The following HIVEP1 variants were observed in gnomAD, a reference collection of about 807,000 sequenced individuals.
HIVEP1 encodes the protein HIVEP zinc finger 1.
HIVEP1 carries 36 observed loss-of-function variants against 180.0 expected under a neutral mutation model. That is an observed-to-expected ratio of 0.20 (90% CI 0.15 to 0.26). The LOEUF (loss-of-function observed/expected upper bound fraction) is 0.26. HIVEP1 is among the 10% of genes least tolerant of loss of function. The probability of loss-of-function intolerance (pLI) is 1.00; values close to 1 mark genes in which losing one functional copy is unlikely to be tolerated. For missense variants in HIVEP1, 3,143 were observed against 3,268.7 expected (o/e 0.96, Z 0.94); for synonymous variants, 1,239 against 1,239.0 (o/e 1.00, Z 0.00).
In HIVEP1 at chr6:12,120,223, T is replaced by C; in HGVS notation, c.428T>C (p.Leu143Pro). Residue 143 changes from leucine (L) to proline (P), a missense_variant, in exon 4 of 9, where the codon CTG becomes CCG. Leu to Pro is a moderately conservative substitution (Grantham distance 98, BLOSUM62 -3). This residue lies in a region of HIVEP1 where 306 missense variants were observed against 310.6 expected (regional missense o/e 0.99). Coordinates refer to ENST00000379388, the MANE Select transcript of HIVEP1 (RefSeq NM_002114.4). ...TTGTTTCTGCAGCAACCATCTGAAC[T>C]GCGTAGATGGAGATCCGAAGGCGCT... ...KPLFLQQPSE[L>P]RRWRSEGADP... 1 of 1,614,096 alleles carries C rather than the reference T, an allele frequency of 6.2e-7. No homozygotes were observed.
intron 3 of HIVEP1, 86 bp downstream of exon 3, chr6:12,089,323 A>G: frequency 1.3e-6 from 1 of 770,520 alleles, no homozygotes. Flanking sequence ...TATGAAATAA[A>G]TCAGTATAGA....
intron 4 of HIVEP1, among the ~76,000 whole-genome samples, chr6:12,129,346 C>G (rs1044473084): frequency 6.6e-6 from 1 of 152,066 alleles, no homozygotes; most frequent in African/African-American, 2.4e-5. Context: ...ATTATTTTAC[C>G]AAAAGGAGTA....
chr6:12,208,281 T>G, the HIVEP1 span, among the ~76,000 whole-genome samples: 34 of 152,352 alleles, frequency 2.2e-4, no homozygotes, highest in African/African-American at 7.9e-4. Flanking sequence ...GACTTTGTTT[T>G]GTACAGCTGA....
Position 12,123,652 on chromosome 6 carries a change from T to C in HIVEP1, c.3857T>C (p.Leu1286Pro). Reference protein sequence around the residue: ...KLPPKKKRLRLAEIEHSSTES... With the variant: ...KLPPKKKRLRPAEIEHSSTES... Reference sequence around the variant, plus strand: ...CCACCCAAAAAGAAAAGGCTCCGTCTGGCTGAGATAGAACATTCCTCAACA... The same window carrying C: ...CCACCCAAAAAGAAAAGGCTCCGTCCGGCTGAGATAGAACATTCCTCAACA... Residue 1286 changes from leucine to proline, a missense_variant, in exon 4 of 9, where the codon CTG becomes CCG. Transcript: ENST00000379388. 1 of 1,614,106 alleles carries C rather than the reference T, an allele frequency of 6.2e-7. No individual in the cohort carries two copies. The highest frequency in any genetic ancestry group is 8.5e-7 in the Non-Finnish European group (1 of 1,180,028).
At chr6:12,173,634 C>A in the HIVEP1 span, among the ~76,000 whole-genome samples, 2 of 152,182 alleles carry the variant, frequency 1.3e-5, no homozygotes, top group Non-Finnish European at 2.9e-5. Context: ...AATTAGATAA[C>A]TTTTATGATG....
intron 2 of HIVEP1, among the ~76,000 whole-genome samples, chr6:12,077,501 T>C (rs1281215572): frequency 6.6e-6 from 1 of 152,140 alleles, no homozygotes; most frequent in Admixed American, 6.5e-5. Context: ...AGGCATGTGA[T>C]GGGGAAGTGA....
At chr6:12,079,938 A>G (rs561559494) in intron 2 of HIVEP1, among the ~76,000 whole-genome samples, 14 of 114,414 alleles carry the variant, frequency 1.2e-4, no homozygotes, top group Admixed American at 4.8e-4. Context: ...GATGGCATCT[A>G]TCTATCTATC....
At chr6:12,166,483 C>T (rs566136511), downstream of HIVEP1, among the ~76,000 whole-genome samples, 1 of 152,264 alleles carries the variant, frequency 6.6e-6, no homozygotes, top group Non-Finnish European at 1.5e-5. Context: ...ATGCATCGTG[C>T]AAATACCTTT....
chr6:12,192,962 G>A, the HIVEP1 span, among the ~76,000 whole-genome samples: 2 of 151,600 alleles, frequency 1.3e-5, no homozygotes, highest in Non-Finnish European at 2.9e-5. Flanking sequence ...TATTGCATCT[G>A]CCACTTAGAA....
At chr6:12,143,115 A>T (rs188943600) in intron 7 of HIVEP1, among the ~76,000 whole-genome samples, 1 of 152,248 alleles carries the variant, frequency 6.6e-6, no homozygotes, top group Non-Finnish European at 1.5e-5. Context: ...TCCCTGATGA[A>T]CATCGATGTG....
chr6:12,028,181 C>G (rs1050573806), intron 2 of HIVEP1, among the ~76,000 whole-genome samples: 10 of 152,110 alleles, frequency 6.6e-5, no homozygotes, highest in Non-Finnish European at 1.5e-4. Flanking sequence ...AGGAAGAGCC[C>G]ATAGTGGTCA....
the HIVEP1 span, among the ~76,000 whole-genome samples, chr6:12,170,205 G>A: frequency 2.6e-5 from 4 of 152,112 alleles, no homozygotes; most frequent in African/African-American, 9.7e-5. Flanking sequence ...TCTAGTAGAA[G>A]AGTAAGTAAG....
At chr6:12,072,076 ATTC>A (rs924185290) in intron 2 of HIVEP1, among the ~76,000 whole-genome samples, 45 of 139,884 alleles carry the variant, frequency 3.2e-4, no homozygotes, top group African/African-American at 9.4e-4. Flanking sequence ...TTTGTCACAT[ATTC>A]TTCTTCTTTT....
At chr6:12,059,789 A>G (rs1771113072) in intron 2 of HIVEP1, among the ~76,000 whole-genome samples, 1 of 152,130 alleles carries the variant, frequency 6.6e-6, no homozygotes, top group Non-Finnish European at 1.5e-5. Flanking sequence ...ACTGCCTCTG[A>G]GTGGCCCTCC....
At chr6:12,129,974 A>G (rs905920014) in intron 5 of HIVEP1, 82 bp downstream of exon 5, 9 of 933,428 alleles carry the variant, frequency 9.6e-6, no homozygotes, top group Admixed American at 2.3e-5. Flanking sequence ...ATGAAGACTT[A>G]GTGCCAATTT....
chr6:12,039,756 C>T (rs1581552270), intron 2 of HIVEP1, among the ~76,000 whole-genome samples: 1 of 152,180 alleles, frequency 6.6e-6, no homozygotes, highest in Admixed American at 6.5e-5. Context: ...TAACCCCCAA[C>T]ACAGGTGGAT....
chr6:12,075,583 A>G (rs1581633968), intron 2 of HIVEP1, among the ~76,000 whole-genome samples: 1 of 142,454 alleles, frequency 7.0e-6, no homozygotes, highest in South Asian at 2.2e-4. Context: ...AAAATTTCAG[A>G]TTGGGCCTTT....
chr6:12,012,557 C>T lies in HIVEP1; in HGVS notation c.-113C>T, dbSNP rs1269615828. On this transcript the variant is annotated 5_prime_UTR_variant, in exon 1 of 9. Transcript: ENST00000379388. ...AGCGGCAGCGGCTCCGCCGGGCGTC[C>T]TGGCAGCAGGTTCGGCGCGGGCTCC... The T allele has an allele frequency of 2.0e-5, 3 of 148,752 alleles. No individual in the cohort carries two copies. Among genetic ancestry groups the T allele is most frequent in the Non-Finnish European group, 4.5e-5 (3 of 67,134 alleles). The allele number at this position is 148,752 out of a possible 1,614,324, so 9.2% of individuals were successfully genotyped here. A position where few individuals can be genotyped will look rare whatever the true frequency, so the allele number is the denominator to read the frequency against.
intron 7 of HIVEP1, among the ~76,000 whole-genome samples, chr6:12,146,394 G>A (rs1184436637): frequency 6.6e-6 from 1 of 152,206 alleles, no homozygotes; most frequent in Non-Finnish European, 1.5e-5. Context: ...GGTGAGCCGA[G>A]ATGGTGCCAT....
Sources: allele counts gnomAD v4.1 joint callset (sites outside exome capture counted in the v4.1 genomes callset), GRCh38; gene constraint gnomAD v4.1.1; regional missense constraint gnomAD v4.1.1; transcripts MANE v1.5; gene names NCBI Gene and HGNC (gene_info 2026-07-23, HGNC 2026-07-21).